Variants in LOC400499 observed in about 807,000 individuals in gnomAD.
the LOC400499 span, among the ~76,000 whole-genome samples, chr16:11,423,919 C>T: frequency 8.5e-5 from 13 of 152,356 alleles, no homozygotes; most frequent in South Asian, 2.5e-3. Flanking sequence ...GGTGCAGCCC[C>T]AGCACCAGCC....
the LOC400499 span, among the ~76,000 whole-genome samples, chr16:11,480,882 A>C: frequency 6.6e-6 from 1 of 152,206 alleles, no homozygotes; most frequent in African/African-American, 2.4e-5. Context: ...CCAATTTTAA[A>C]CCAAAGTCAG....
chr16:11,373,986 T>C, the LOC400499 span, among the ~76,000 whole-genome samples: 10 of 152,190 alleles, frequency 6.6e-5, no homozygotes, highest in Non-Finnish European at 1.3e-4. Context: ...AGGTGGCCTT[T>C]TCTGCCATCT....
chr16:11,446,494 G>T, the LOC400499 span: 2 of 1,475,786 alleles, frequency 1.4e-6, no homozygotes, highest in Non-Finnish European at 1.8e-6. Flanking sequence ...AGCGATGACA[G>T]CAACTTGAAC....
the LOC400499 span, among the ~76,000 whole-genome samples, chr16:11,420,066 C>G: frequency 6.7e-6 from 1 of 149,120 alleles, no homozygotes; most frequent in African/African-American, 2.5e-5. Context: ...ACTAGAAATA[C>G]CATTTGACCC....
the LOC400499 span, among the ~76,000 whole-genome samples, chr16:11,373,476 T>C: frequency 6.6e-6 from 1 of 151,386 alleles, no homozygotes; most frequent in African/African-American, 2.4e-5. Flanking sequence ...TGGGATTACA[T>C]GCGCCTGCCA....
At chr16:11,504,331 G>T in the LOC400499 span, among the ~76,000 whole-genome samples, 1 of 152,002 alleles carries the variant, frequency 6.6e-6, no homozygotes, top group East Asian at 1.9e-4. Flanking sequence ...CGAGCCGGGT[G>T]GATCACTGGA....
chr16:11,434,617 G>A, the LOC400499 span, among the ~76,000 whole-genome samples: 1 of 152,208 alleles, frequency 6.6e-6, no homozygotes, highest in East Asian at 1.9e-4. Context: ...AGCATTAAGA[G>A]GAGAGCAGCA....
the LOC400499 span, chr16:11,473,171 A>AG: frequency 6.6e-6 from 1 of 151,052 alleles, no homozygotes; most frequent in African/African-American, 2.5e-5. Flanking sequence ...GCAGGAAATT[A>AG]GAAAGAAAAT....
chr16:11,494,501 CTGG>C, the LOC400499 span: 1 of 385,006 alleles, frequency 2.6e-6, no homozygotes, highest in Non-Finnish European at 4.6e-6. Flanking sequence ...CCCTCTCCAC[CTGG>C]AGCTTGCCTG....
the LOC400499 span, among the ~76,000 whole-genome samples, chr16:11,375,147 C>T: frequency 6.9e-6 from 1 of 145,210 alleles, no homozygotes; most frequent in Non-Finnish European, 1.5e-5. Context: ...TGCACCTGAC[C>T]TATTAACTCT....
the LOC400499 span, chr16:11,472,527 A>G: frequency 6.6e-6 from 1 of 152,130 alleles, no homozygotes. Context: ...GTCAGGCAAT[A>G]CTGTGTAGAA....
At chr16:11,372,023 T>C in the LOC400499 span, 1 of 152,266 alleles carries the variant, frequency 6.6e-6, no homozygotes, top group African/African-American at 2.4e-5. Flanking sequence ...TCTTGGATTC[T>C]GCCAGCTTTA....
At chr16:11,484,762 G>C in the LOC400499 span, 3 of 397,590 alleles carry the variant, frequency 7.5e-6, no homozygotes, top group African/African-American at 2.1e-5. Flanking sequence ...ACTTAATTCT[G>C]CAAGGAGGAG....
the LOC400499 span, chr16:11,448,119 A>C: frequency 1.3e-6 from 2 of 1,514,132 alleles, no homozygotes; most frequent in Non-Finnish European, 1.8e-6. Flanking sequence ...CAGCAGGACC[A>C]AGCTGCAGAC....
chr16:11,462,418 C>G, the LOC400499 span: 1 of 1,304,586 alleles, frequency 7.7e-7, no homozygotes, highest in South Asian at 2.3e-5. Context: ...ACCTTCTACA[C>G]CGATCCTTAC....
chr16:11,413,819 T>A, the LOC400499 span, among the ~76,000 whole-genome samples: 1 of 152,142 alleles, frequency 6.6e-6, no homozygotes, highest in African/African-American at 2.4e-5. Context: ...CTCCACATTA[T>A]AGGTAATATC....
At chr16:11,481,794 A>T in the LOC400499 span, among the ~76,000 whole-genome samples, 2 of 151,888 alleles carry the variant, frequency 1.3e-5, no homozygotes, top group African/African-American at 4.8e-5. Flanking sequence ...CACCATGCCC[A>T]GCAAATTGTT....
At chr16:11,460,021 G>C in the LOC400499 span, 2 of 1,482,378 alleles carry the variant, frequency 1.3e-6, no homozygotes, top group East Asian at 2.5e-5. Flanking sequence ...TGTGAGTGCA[G>C]GTGGCCCGAG....
chr16:11,451,009 A>G, the LOC400499 span, among the ~76,000 whole-genome samples: 1 of 152,236 alleles, frequency 6.6e-6, no homozygotes, highest in African/African-American at 2.4e-5. Context: ...TGGATCACCC[A>G]GATGTATACA....
Sources: allele counts gnomAD v4.1 joint callset (sites outside exome capture counted in the v4.1 genomes callset), GRCh38; gene constraint gnomAD v4.1.1; transcripts MANE v1.5.